The following HDGFL3 variants were observed in gnomAD, a reference collection of about 807,000 sequenced individuals.
The protein encoded by HDGFL3 is HDGF like 3.
In HDGFL3, 6 loss-of-function variants were observed where a neutral mutation model predicts 27.6. That is an observed-to-expected ratio of 0.22 (90% CI 0.12 to 0.43). The LOEUF is 0.43. HDGFL3 is among the 20% of genes least tolerant of loss of function. HDGFL3 has a pLI of 1.00. For synonymous variants in HDGFL3, 88 were observed against 88.9 expected (o/e 0.99, Z 0.05); for missense variants, 207 against 250.1 (o/e 0.83, Z 1.16).
intron 1 of HDGFL3, among the ~76,000 whole-genome samples, chr15:83,195,833 C>A (rs929471152): frequency 3.9e-5 from 6 of 151,950 alleles, no homozygotes; most frequent in African/African-American, 1.4e-4. Context: ...ATACTTATAT[C>A]TTAAAACAAA....
At chr15:83,120,861 C>T (rs564655077) in intron 3 of HDGFL3, among the ~76,000 whole-genome samples, 4 of 151,356 alleles carry the variant, frequency 2.6e-5, no homozygotes, top group Admixed American at 1.3e-4. Flanking sequence ...CCACCGTGCC[C>T]GGCTCCAGCT....
At chr15:83,168,714 G>C (rs541895921) in intron 1 of HDGFL3, among the ~76,000 whole-genome samples, 2 of 152,264 alleles carry the variant, frequency 1.3e-5, no homozygotes, top group South Asian at 4.1e-4. Flanking sequence ...AAGAAGAACT[G>C]TACCAATTCT....
chr15:83,169,839 G>C (rs1487698755), intron 1 of HDGFL3, among the ~76,000 whole-genome samples: 1 of 151,966 alleles, frequency 6.6e-6, no homozygotes, highest in African/African-American at 2.4e-5. Context: ...TTTGTCAAAA[G>C]GCTCCTGGTA....
At chr15:83,173,330 T>C (rs150353121) in intron 1 of HDGFL3, among the ~76,000 whole-genome samples, 1 of 152,352 alleles carries the variant, frequency 6.6e-6, no homozygotes, top group Non-Finnish European at 1.5e-5. Flanking sequence ...GGCTTTGTGT[T>C]AGACGACTTT....
intron 1 of HDGFL3, among the ~76,000 whole-genome samples, chr15:83,199,816 G>A (rs1406708483): frequency 6.6e-6 from 1 of 151,772 alleles, no homozygotes; most frequent in Admixed American, 6.6e-5. Context: ...GCCGAGGCGG[G>A]TGGATCACGA....
chr15:83,206,270 T>C lies in HDGFL3; in HGVS notation c.84+1061A>G, dbSNP rs146254603. Among the ~76,000 whole-genome samples, 87 of 152,318 alleles carry C rather than the reference T, an allele frequency of 5.7e-4. 1 individual carries two copies. The East Asian group carries it at 0.014, about 24-fold the overall frequency. ...ATCTTCACTTGACTACAATACAACA[T>C]TTTAGAGCTCACACTATATTTATGC... is the stretch of plus-strand genomic sequence containing the variant. On this transcript the variant is annotated intron_variant, in intron 1 of 5. Transcript: ENST00000299633.
Position 83,136,909 on chromosome 15 carries a change from T to G in HDGFL3, c.*2361A>C, listed in dbSNP as rs575545849. The G allele has an allele frequency of 9.2e-6, 3 of 326,160 alleles. No homozygotes were observed. The South Asian group carries it at 2.4e-4, about 26-fold the overall frequency. 20.2% of individuals were successfully genotyped at this position (326,160 alleles called of 1,614,324 possible). On this transcript the variant is annotated 3_prime_UTR_variant, in exon 6 of 6. Transcript: ENST00000299633. ...ATTCAAAATCATTTGTGAATAAACTTGATCATCCATCTCAATATTGTTTGA... is the reference window on the plus strand; with the variant it reads ...ATTCAAAATCATTTGTGAATAAACTGGATCATCCATCTCAATATTGTTTGA...
chr15:83,114,248 A>G (rs967903933), exon 4 of HDGFL3: 1 of 152,306 alleles, frequency 6.6e-6, no homozygotes, highest in African/African-American at 2.4e-5. Flanking sequence ...TTTCTCCTGT[A>G]CCCTCAGCCC....
chr15:83,118,975 G>A (rs2034960959), intron 3 of HDGFL3, among the ~76,000 whole-genome samples: 1 of 152,116 alleles, frequency 6.6e-6, no homozygotes, highest in African/African-American at 2.4e-5. Context: ...GGAAAGTCTT[G>A]TAATCTCAGA....
At chr15:83,198,781 G>A (rs1434732764) in intron 1 of HDGFL3, among the ~76,000 whole-genome samples, 1 of 152,268 alleles carries the variant, frequency 6.6e-6, no homozygotes, top group South Asian at 2.1e-4. Flanking sequence ...TATTCTCAGA[G>A]AACTAATCTA....
intron 2 of HDGFL3, among the ~76,000 whole-genome samples, chr15:83,163,413 A>G (rs1432879057): frequency 6.6e-6 from 1 of 152,186 alleles, no homozygotes; most frequent in Admixed American, 6.5e-5. Context: ...TCCGGTCCCT[A>G]GGGCAAAGTA....
chr15:83,168,377 T>C (rs778891195), intron 1 of HDGFL3, among the ~76,000 whole-genome samples: 56 of 152,116 alleles, frequency 3.7e-4, no homozygotes, highest in Non-Finnish European at 5.9e-4. Context: ...GCTGGTTCTT[T>C]GAAAGGATAA....
Position 83,134,125 on chromosome 15 carries a change from T to G in HDGFL3, c.*5145A>C, listed in dbSNP as rs2036450413. Reference sequence around the variant, plus strand: ...TTGACAGTCACAAGTCCATTGTTGTTGAACGTTTATTGAGCTCTAACAATG... The same window carrying G: ...TTGACAGTCACAAGTCCATTGTTGTGGAACGTTTATTGAGCTCTAACAATG... On this transcript the variant is annotated 3_prime_UTR_variant, in exon 6 of 6. Transcript: ENST00000299633. 6.6e-6 allele frequency: 1 copy of G among 152,228 alleles called. No homozygotes were observed. Among genetic ancestry groups the G allele is most frequent in the Non-Finnish European group, 1.5e-5 (1 of 68,034 alleles). The allele number at this position is 152,228 out of a possible 1,614,324, so 9.4% of individuals were successfully genotyped here.
chr15:83,150,739 TTGTCCC>T (rs2036953409), intron 5 of HDGFL3, among the ~76,000 whole-genome samples: 1 of 152,196 alleles, frequency 6.6e-6, no homozygotes, highest in Non-Finnish European at 1.5e-5. Context: ...ATAGACAAAT[TTGTCCC>T]TAGGGGTACT....
At chr15:83,150,518 G>A (rs779568625) in intron 5 of HDGFL3, among the ~76,000 whole-genome samples, 5 of 152,162 alleles carry the variant, frequency 3.3e-5, no homozygotes, top group Non-Finnish European at 5.9e-5. Context: ...AAACAGGACT[G>A]ACATGAACAG....
intron 1 of HDGFL3, among the ~76,000 whole-genome samples, chr15:83,179,407 G>A (rs970788385): frequency 2.0e-5 from 3 of 152,194 alleles, no homozygotes; most frequent in East Asian, 1.9e-4. Flanking sequence ...CCAACATGAC[G>A]ATAATCTAAT....
intron 5 of HDGFL3, among the ~76,000 whole-genome samples, chr15:83,141,523 A>C (rs1342576125): frequency 6.6e-6 from 1 of 152,214 alleles, no homozygotes; most frequent in African/African-American, 2.4e-5. Context: ...CCAATGATAA[A>C]ATTTGAGTGT....
In HDGFL3 at chr15:83,207,079, G is replaced by C. The variant is rs956610320; in HGVS notation, c.84+252C>G. Among the ~76,000 whole-genome samples, 7 of 152,188 alleles carry C rather than the reference G, an allele frequency of 4.6e-5. No individual in the cohort carries two copies. The highest frequency in any genetic ancestry group is 1.7e-4 in the African/African-American group (7 of 41,458). On this transcript the variant is annotated intron_variant, in intron 1 of 5. Coordinates refer to ENST00000299633, the MANE Select transcript of HDGFL3 (RefSeq NM_016073.4). The surrounding 1 kb of genome is among the most constrained non-coding windows in gnomAD (Gnocchi z 4.8). Reference sequence around the variant, plus strand: ...GGCTTTCCAGGAGGAAGGCAGCGTCGGGCCTGCGGGGGCCGGACCCGCCTT... The same window carrying C: ...GGCTTTCCAGGAGGAAGGCAGCGTCCGGCCTGCGGGGGCCGGACCCGCCTT...
intron 4 of HDGFL3, among the ~76,000 whole-genome samples, chr15:83,155,525 A>T (rs1312236114): frequency 2.0e-5 from 3 of 152,246 alleles, no homozygotes; most frequent in Non-Finnish European, 4.4e-5. Context: ...AATTCAGCTT[A>T]AAAAAGTAAT....
Sources: gnomAD v4.1 joint callset for allele counts (sites outside exome capture counted in the v4.1 genomes callset) on GRCh38, gnomAD v4.1.1 for gene constraint, Gnocchi (gnomAD v3.1) non-coding constraint, MANE v1.5 for transcripts, NCBI Gene and HGNC (gene_info 2026-07-23, HGNC 2026-07-21) for gene names.